WHRN: variants seen among roughly 807,000 people sequenced by gnomAD.
WHRN encodes the protein whirlin.
WHRN carries 41 observed loss-of-function variants against 68.3 expected under a neutral mutation model. The observed-to-expected ratio is 0.60, with a 90% CI of 0.47 to 0.78. The LOEUF is 0.78. Ranked by LOEUF, WHRN falls within the 30% of genes least tolerant of loss-of-function variation. The pLI, the probability that WHRN is intolerant of heterozygous loss-of-function variation, is 0.00. For synonymous variants in WHRN, 560 were observed against 561.3 expected (o/e 1.00, Z 0.03); for missense variants, 1,243 against 1,244.7 (o/e 1.00, Z 0.02).
chr9:114,495,155 A>G (rs1230633642), intron 1 of WHRN, among the ~76,000 whole-genome samples: 2 of 152,238 alleles, frequency 1.3e-5, no homozygotes, highest in South Asian at 4.1e-4. Context: ...TAAAGATCAG[A>G]GCATGGGCAG....
intron 7 of WHRN, among the ~76,000 whole-genome samples, chr9:114,418,861 A>G (rs1367304632): frequency 1.3e-5 from 2 of 152,080 alleles, no homozygotes; most frequent in East Asian, 3.9e-4. Context: ...CTTACTGTGT[A>G]TTTCAGTTAT....
chr9:114,465,504 C>T (rs551866845), intron 3 of WHRN, among the ~76,000 whole-genome samples: 1 of 152,340 alleles, frequency 6.6e-6, no homozygotes, highest in East Asian at 1.9e-4. Context: ...CACCACTCCA[C>T]ATCACTGCTG....
At chr9:114,420,648 T>C (rs1219650722) in intron 7 of WHRN, among the ~76,000 whole-genome samples, 1 of 151,984 alleles carries the variant, frequency 6.6e-6, no homozygotes, top group Non-Finnish European at 1.5e-5. Context: ...AGGGGGGCGG[T>C]GGCAGTCCTT....
intron 3 of WHRN, among the ~76,000 whole-genome samples, chr9:114,444,757 G>T (rs1007058583): frequency 6.6e-6 from 1 of 151,210 alleles, no homozygotes; most frequent in African/African-American, 2.4e-5. Flanking sequence ...ATTTTGCAAA[G>T]GTCTTTCTCA....
intron 1 of WHRN, among the ~76,000 whole-genome samples, chr9:114,500,792 A>ACAG (rs1843856037): frequency 6.6e-6 from 1 of 152,182 alleles, no homozygotes; most frequent in Non-Finnish European, 1.5e-5. Context: ...TTGCTCCGAA[A>ACAG]CAGCACCAGG....
chr9:114,489,201 G>A (rs1214050281), intron 1 of WHRN, among the ~76,000 whole-genome samples: 1 of 152,082 alleles, frequency 6.6e-6, no homozygotes, highest in Non-Finnish European at 1.5e-5. Context: ...AAATTGTTGT[G>A]GCTTGATCAG....
intron 7 of WHRN, among the ~76,000 whole-genome samples, chr9:114,415,484 C>A (rs1406326188): frequency 6.6e-6 from 1 of 152,202 alleles, no homozygotes; most frequent in African/African-American, 2.4e-5. Context: ...ACATGCCCCA[C>A]CAGCTCCTCA....
intron 3 of WHRN, among the ~76,000 whole-genome samples, chr9:114,439,682 T>C (rs1447937921): frequency 6.6e-6 from 1 of 152,098 alleles, no homozygotes; most frequent in African/African-American, 2.4e-5. Flanking sequence ...GTGTATTATA[T>C]GTATACAGTT....
chr9:114,428,866 G>C (rs778107316), intron 3 of WHRN, among the ~76,000 whole-genome samples: 1 of 151,498 alleles, frequency 6.6e-6, no homozygotes, highest in African/African-American at 2.4e-5. Context: ...CCACGTGAGC[G>C]AGCTAGCATC....
In WHRN at chr9:114,478,775, G is replaced by A; in HGVS notation, c.619-4C>T. 6.2e-7 allele frequency: 1 copy of A among 1,609,054 alleles called. No homozygotes were observed. Among genetic ancestry groups the A allele is most frequent in the Non-Finnish European group, 8.5e-7 (1 of 1,179,106 alleles). On this transcript the variant is annotated splice_polypyrimidine_tract_variant and splice_region_variant and intron_variant, in intron 1 of 11. Coordinates refer to ENST00000362057, the MANE Select transcript of WHRN (RefSeq NM_015404.4). ...GCTTCTTGGAGCCCTTCAGAGCCTA[G>A]GGAGAGAGGGATACAAAGGTTAGAG...
intron 1 of WHRN, chr9:114,503,126 C>A: frequency 1.0e-6 from 1 of 985,224 alleles, no homozygotes; most frequent in Non-Finnish European, 1.2e-6. Context: ...GGCCACTGAA[C>A]GGCACTCAGG....
In WHRN at chr9:114,504,856, T is replaced by A; in HGVS notation, c.-55A>T. On this transcript the variant is annotated 5_prime_UTR_variant, in exon 1 of 12. Transcript: ENST00000362057. ...GCGCGCGGGGTGTGGGCGGTGCCGC[T>A]GTCCTCGCGGGTACTGGCGCGACAG... 7.4e-7 allele frequency: 1 copy of A among 1,345,856 alleles called. No individual in the cohort carries two copies. The highest frequency in any genetic ancestry group is 9.4e-7 in the Non-Finnish European group (1 of 1,058,546). 83.4% of individuals were successfully genotyped at this position (1,345,856 alleles called of 1,614,324 possible). A position where few individuals can be genotyped will look rare whatever the true frequency, so the allele number is the denominator to read the frequency against.
intron 2 of WHRN, among the ~76,000 whole-genome samples, chr9:114,466,790 T>C (rs1249011054): frequency 6.6e-6 from 1 of 152,094 alleles, no homozygotes; most frequent in African/African-American, 2.4e-5. Context: ...GGGTCTCAAT[T>C]AGGCTCCATC....
intron 3 of WHRN, among the ~76,000 whole-genome samples, chr9:114,449,864 C>A (rs917064148): frequency 2.6e-5 from 4 of 152,164 alleles, no homozygotes; most frequent in Admixed American, 2.6e-4. Context: ...ATGTGCCAGG[C>A]ACTGGGCTAG....
chr9:114,480,213 G>A (rs1841992337), intron 1 of WHRN, among the ~76,000 whole-genome samples: 1 of 152,074 alleles, frequency 6.6e-6, no homozygotes, highest in Admixed American at 6.5e-5. Context: ...ACAGCCTGGG[G>A]TGGAAGCTGA....
At chr9:114,452,573 G>A (rs144829139) in intron 3 of WHRN, among the ~76,000 whole-genome samples, 1 of 152,362 alleles carries the variant, frequency 6.6e-6, no homozygotes, top group African/African-American at 2.4e-5. Flanking sequence ...ACACAGCACA[G>A]AGCAGGCATT....
At chr9:114,407,686 G>A (rs181314061) in intron 8 of WHRN, among the ~76,000 whole-genome samples, 1 of 121,538 alleles carries the variant, frequency 8.2e-6, no homozygotes, top group East Asian at 2.6e-4. Context: ...GAGAGGCTAA[G>A]AAACTTGGTC....
chr9:114,435,207 T>C lies in WHRN; in HGVS notation c.964-8794A>G, dbSNP rs570163970. 4.6e-5 allele frequency among the ~76,000 whole-genome samples: 7 copies of C among 152,244 alleles called. 1 individual carries two copies. The highest frequency in any genetic ancestry group is 1.7e-4 in the African/African-American group (7 of 41,554). On this transcript the variant is annotated intron_variant, in intron 3 of 11. Coordinates refer to ENST00000362057, the MANE Select transcript of WHRN (RefSeq NM_015404.4). ...TAGACTACAGACAGAGAGTTCAAAG[T>C]CAGTGCGCTGCACCCCCTTGAATGG...
chr9:114,468,911 T>C (rs10513247), intron 2 of WHRN, among the ~76,000 whole-genome samples: 43,126 of 152,088 alleles, frequency 0.28, 6,377 homozygotes, highest in Admixed American at 0.36. Context: ...ACAGGCAGCT[T>C]TGCATATTTG....
Sources: allele counts gnomAD v4.1 joint callset (sites outside exome capture counted in the v4.1 genomes callset), GRCh38; gene constraint gnomAD v4.1.1; transcripts MANE v1.5; gene names NCBI Gene and HGNC (gene_info 2026-07-23, HGNC 2026-07-21).